The following CDK17 variants were observed in gnomAD, a reference collection of about 807,000 sequenced individuals.
The protein encoded by CDK17 is cyclin-dependent kinase 17.
CDK17 carries 24 observed loss-of-function variants against 77.6 expected under a neutral mutation model. The ratio of observed to expected loss-of-function variants is 0.31; its 90% confidence interval spans 0.22 to 0.44. The LOEUF (loss-of-function observed/expected upper bound fraction) is 0.44, where lower values mean the gene tolerates loss of function less well. CDK17 is among the 20% of genes least tolerant of loss of function. The pLI, the probability that CDK17 is intolerant of heterozygous loss-of-function variation, is 1.00. For synonymous variants in CDK17, 203 were observed against 210.4 expected, an observed-to-expected ratio of 0.96 and a Z score of 0.30; for missense variants, 429 against 622.5, an observed-to-expected ratio of 0.69 and a Z score of 3.31.
At chr12:96,369,652 C>T (rs1244176576) in intron 1 of CDK17, among the ~76,000 whole-genome samples, 1 of 152,118 alleles carries the variant, frequency 6.6e-6, no homozygotes, top group Non-Finnish European at 1.5e-5. Context: ...ATGGTGCATG[C>T]CTGTAGTCCT....
At chr12:96,394,731 T>A (rs548644723) in intron 1 of CDK17, among the ~76,000 whole-genome samples, 1 of 140,832 alleles carries the variant, frequency 7.1e-6, no homozygotes, top group East Asian at 2.1e-4. Context: ...GGCACGAGAA[T>A]AGCTTGAGAT....
chr12:96,281,635 G>A (rs1952179663), intron 15 of CDK17: 2 of 152,278 alleles, frequency 1.3e-5, no homozygotes, highest in African/African-American at 2.4e-5. Context: ...CCAAAGTGCT[G>A]GGATTACAGG....
chr12:96,335,090 A>C (rs1186687747), intron 1 of CDK17: 2 of 589,440 alleles, frequency 3.4e-6, no homozygotes, highest in African/African-American at 1.8e-5. Context: ...CATGTAACTA[A>C]AGAGTGGGAC....
intron 1 of CDK17, among the ~76,000 whole-genome samples, chr12:96,380,290 T>G (rs1297086069): frequency 6.6e-6 from 1 of 151,144 alleles, no homozygotes; most frequent in East Asian, 1.9e-4. Context: ...CTGGTTTTTT[T>G]TTTTTTTTTT....
chr12:96,280,980 T>A, intron 15 of CDK17, 95 bp from the exon 16 acceptor site: 1 of 1,016,788 alleles, frequency 9.8e-7, no homozygotes, highest in Non-Finnish European at 1.4e-6. Flanking sequence ...ATATACTGAT[T>A]CAATATGAAA....
intron 1 of CDK17, among the ~76,000 whole-genome samples, chr12:96,377,278 A>G (rs2137219487): frequency 6.6e-6 from 1 of 152,340 alleles, no homozygotes; most frequent in African/African-American, 2.4e-5. Context: ...ATCCAAAAAC[A>G]TAAAAGAAAA....
intron 16 of CDK17, chr12:96,280,519 G>A (rs1952162693): frequency 2.1e-6 from 3 of 1,410,364 alleles, no homozygotes; most frequent in Non-Finnish European, 2.8e-6. Flanking sequence ...TCAGGTACCA[G>A]GGATGGCGTG....
At chr12:96,318,492 A>G (rs1303225892) in intron 3 of CDK17, among the ~76,000 whole-genome samples, 1 of 138,498 alleles carries the variant, frequency 7.2e-6, no homozygotes, top group African/African-American at 2.7e-5. Flanking sequence ...TCAACAGAAT[A>G]TACATTTTTT....
chr12:96,398,292 C>T (rs1954204361), intron 1 of CDK17, among the ~76,000 whole-genome samples: 1 of 152,128 alleles, frequency 6.6e-6, no homozygotes, highest in Admixed American at 6.5e-5. Context: ...TTTGTTCCAA[C>T]CCACTGTTTA....
chr12:96,307,662 G>A (rs1952593041), intron 5 of CDK17, among the ~76,000 whole-genome samples: 1 of 152,102 alleles, frequency 6.6e-6, no homozygotes, highest in African/African-American at 2.4e-5. Flanking sequence ...CTTGAGGTCA[G>A]GAATTCAAGA....
intron 1 of CDK17, among the ~76,000 whole-genome samples, chr12:96,398,275 A>G (rs1954204221): frequency 6.6e-6 from 1 of 152,130 alleles, no homozygotes; most frequent in East Asian, 1.9e-4. Flanking sequence ...CCTTAGTCAC[A>G]TTTTCTTTTG....
intron 6 of CDK17, 60 bp downstream of exon 6, chr12:96,300,242 AAC>A (rs1418471167): frequency 6.4e-6 from 7 of 1,087,676 alleles, no homozygotes; most frequent in Admixed American, 3.9e-5. Context: ...ACCGTGGAGT[AAC>A]AGAGTTTGAA....
Position 96,286,165 on chromosome 12 carries a change from A to G in CDK17, c.1217-17T>C, listed in dbSNP as rs774246692. 1.2e-5 allele frequency: 9 copies of G among 765,110 alleles called. No homozygotes were observed. The African/African-American group carries it at 1.7e-4, about 14-fold the overall frequency. 47.4% of individuals were successfully genotyped at this position (765,110 alleles called of 1,614,324 possible). A position where few individuals can be genotyped will look rare whatever the true frequency, so the allele number is the denominator to read the frequency against. On this transcript the variant is annotated splice_polypyrimidine_tract_variant and intron_variant, in intron 12 of 16. Transcript: ENST00000261211. ...ATGGAGTTCCTGAATTAAAAAAAAA[A>G]ATTAAATATATTTATAAATATATAT... is the stretch of plus-strand genomic sequence containing the variant.
Position 96,359,975 on chromosome 12 carries a change from T to A in CDK17, c.-29-25110A>T, listed in dbSNP as rs149207048. On this transcript the variant is annotated intron_variant, in intron 1 of 16. Coordinates refer to ENST00000261211, the MANE Select transcript of CDK17 (RefSeq NM_002595.5). ...AAAGGAAATAAAGCAGGAACAGACATAGTAATTATAGATTTGTTTAATTAT... is the reference window on the plus strand; with the variant it reads ...AAAGGAAATAAAGCAGGAACAGACAAAGTAATTATAGATTTGTTTAATTAT... Among the ~76,000 whole-genome samples the A allele has an allele frequency of 3.6e-3, 553 of 152,098 alleles. 4 individuals are homozygous for A. The highest frequency in any genetic ancestry group is 0.012 in the African/African-American group (513 of 41,502).
intron 10 of CDK17, among the ~76,000 whole-genome samples, chr12:96,292,215 G>A (rs2137074530): frequency 6.6e-6 from 1 of 152,122 alleles, no homozygotes; most frequent in South Asian, 2.1e-4. Flanking sequence ...AAAAGTATAG[G>A]AATTTCCAGA....
At chr12:96,319,872 C>G (rs536976235) in intron 3 of CDK17, among the ~76,000 whole-genome samples, 31 of 144,014 alleles carry the variant, frequency 2.2e-4, no homozygotes, top group African/African-American at 7.7e-4. Flanking sequence ...TGGAAGCATT[C>G]CCTTTGAAAA....
At chr12:96,301,254 A>C (rs868107393) in intron 5 of CDK17, among the ~76,000 whole-genome samples, 2 of 148,580 alleles carry the variant, frequency 1.3e-5, no homozygotes, top group Admixed American at 1.3e-4. Flanking sequence ...AAAAAAAAAA[A>C]AAAAACAAAC....
At chr12:96,352,125 G>A (rs1308398476) in intron 1 of CDK17, among the ~76,000 whole-genome samples, 1 of 152,140 alleles carries the variant, frequency 6.6e-6, no homozygotes, top group East Asian at 1.9e-4. Flanking sequence ...GGGGAACACG[G>A]GGGCAAGATA....
chr12:96,326,998 G>A (rs1217145114), intron 2 of CDK17, among the ~76,000 whole-genome samples: 1 of 152,224 alleles, frequency 6.6e-6, no homozygotes, highest in East Asian at 1.9e-4. Context: ...AAAGATAGTA[G>A]GAGGTAAGGG....
Sources: gnomAD v4.1 joint callset for allele counts (sites outside exome capture counted in the v4.1 genomes callset) on GRCh38, gnomAD v4.1.1 for gene constraint, MANE v1.5 for transcripts, NCBI Gene and HGNC (gene_info 2026-07-23, HGNC 2026-07-21) for gene names.